CSRNP3: variants seen among roughly 807,000 people sequenced by gnomAD.
The protein encoded by CSRNP3 is cysteine and serine rich nuclear protein 3.
CSRNP3 carries 12 observed loss-of-function variants against 48.0 expected under a neutral mutation model. The ratio of observed to expected loss-of-function variants is 0.25; its 90% CI spans 0.16 to 0.41. CSRNP3 has a LOEUF of 0.41. CSRNP3 is among the 10% of genes least tolerant of loss of function. The probability of loss-of-function intolerance (pLI) is 1.00; values close to 1 mark genes in which losing one functional copy is unlikely to be tolerated. For missense variants in CSRNP3, 580 were observed against 724.4 expected (o/e 0.80, Z 2.29); for synonymous variants, 263 against 269.7 (o/e 0.98, Z 0.24).
intron 3 of CSRNP3, among the ~76,000 whole-genome samples, chr2:165,589,521 A>G (rs935736195): frequency 6.6e-6 from 1 of 152,228 alleles, no homozygotes; most frequent in African/African-American, 2.4e-5. Context: ...CCCAGTAATT[A>G]TATGAATGTT....
At chr2:165,581,598 G>A (rs565633718) in intron 3 of CSRNP3, among the ~76,000 whole-genome samples, 12 of 149,026 alleles carry the variant, frequency 8.1e-5, no homozygotes, top group African/African-American at 2.2e-4. Flanking sequence ...GTACAGTGGC[G>A]CTATCTCAGC....
rs1292298537 is a variant in CSRNP3, at chr2:165,619,526, G to A, written c.148+24313G>A. On this transcript the variant is annotated intron_variant, in intron 4 of 6. Coordinates refer to ENST00000651982, the MANE Select transcript of CSRNP3 (RefSeq NM_001172173.2). ...CATAGCTACTGGCAAAGTCAAGAAA[G>A]TGGCAGAAATCTCTAGAGAGAATAT... is the stretch of plus-strand genomic sequence containing the variant. Among the ~76,000 whole-genome samples, 10 of 152,030 alleles carry A rather than the reference G, an allele frequency of 6.6e-5. No individual in the cohort carries two copies. The East Asian group carries it at 1.7e-3, about 26-fold the overall frequency.
intron 2 of CSRNP3, among the ~76,000 whole-genome samples, chr2:165,502,561 G>A (rs180875586): frequency 1.3e-5 from 2 of 151,910 alleles, no homozygotes; most frequent in African/African-American, 4.8e-5. Context: ...TAGTTAAAAG[G>A]GTATTGTTTT....
In CSRNP3 at chr2:165,686,835, T is replaced by C. The variant is rs1329513080; in HGVS notation, c.*7082T>C. The stretch of plus-strand genomic sequence containing the variant: ...TTAATCTTTTCAAAGATACTCACAA[T>C]GGCCAACTGTGTGTGAATACTGGAA... On this transcript the variant is annotated 3_prime_UTR_variant, in exon 7 of 7. Coordinates refer to ENST00000651982, the MANE Select transcript of CSRNP3 (RefSeq NM_001172173.2). 2.6e-5 allele frequency: 4 copies of C among 152,098 alleles called. No homozygotes were observed. The highest frequency in any genetic ancestry group is 7.2e-5 in the African/African-American group (3 of 41,442). The allele number at this position is 152,098 out of a possible 1,614,324, so 9.4% of individuals were successfully genotyped here. A position where few individuals can be genotyped will look rare whatever the true frequency, so the allele number is the denominator to read the frequency against.
intron 2 of CSRNP3, among the ~76,000 whole-genome samples, chr2:165,510,228 C>A (rs1054115931): frequency 2.0e-5 from 3 of 151,966 alleles, no homozygotes; most frequent in African/African-American, 4.8e-5. Context: ...CACTCAAGGT[C>A]GATGGTGGTG....
At chr2:165,629,131 C>T (rs573525780) in intron 4 of CSRNP3, among the ~76,000 whole-genome samples, 74 of 152,180 alleles carry the variant, frequency 4.9e-4, no homozygotes, top group Non-Finnish European at 9.0e-4. Flanking sequence ...CATTTTCCAG[C>T]ATATGACTGC....
At chr2:165,569,264 A>T (rs1685337661) in intron 3 of CSRNP3, among the ~76,000 whole-genome samples, 1 of 152,132 alleles carries the variant, frequency 6.6e-6, no homozygotes, top group Admixed American at 6.6e-5. Context: ...TCAAGGGAGA[A>T]TCTAATAGTA....
chr2:165,556,868 ATAGT>A (rs774490159), intron 3 of CSRNP3, among the ~76,000 whole-genome samples: 15 of 152,186 alleles, frequency 9.9e-5, no homozygotes, highest in South Asian at 4.1e-4. Context: ...ATCTGAACTA[ATAGT>A]TAGCCTGAAC....
At chr2:165,532,190 T>G (rs1684822450) in intron 3 of CSRNP3, among the ~76,000 whole-genome samples, 1 of 152,068 alleles carries the variant, frequency 6.6e-6, no homozygotes. Flanking sequence ...AAAGAGGGAA[T>G]CCTCCCTAAC....
At chr2:165,559,643 A>G (rs1685204287) in intron 3 of CSRNP3, among the ~76,000 whole-genome samples, 1 of 152,224 alleles carries the variant, frequency 6.6e-6, no homozygotes, top group Admixed American at 6.5e-5. Flanking sequence ...ATTTGTCACC[A>G]TTTAGCTTTG....
intron 3 of CSRNP3, among the ~76,000 whole-genome samples, chr2:165,571,060 T>C (rs1050828386): frequency 6.6e-6 from 1 of 152,098 alleles, no homozygotes; most frequent in African/African-American, 2.4e-5. Flanking sequence ...TTTTGAGTTA[T>C]AATATTTTTT....
chr2:165,547,815 T>C (rs1685051801), intron 3 of CSRNP3, among the ~76,000 whole-genome samples: 1 of 152,046 alleles, frequency 6.6e-6, no homozygotes. Context: ...TAATTATAAA[T>C]AAAAAAGTAT....
Position 165,538,102 on chromosome 2 carries a change from A to C in CSRNP3, c.-24+20141A>C, listed in dbSNP as rs149364700. Reference sequence around the variant, plus strand: ...GACCCACTGCTCCAGCAGTACCTTCAGCAGTTCACTGGTGGCTACAATTCC... The same window carrying C: ...GACCCACTGCTCCAGCAGTACCTTCCGCAGTTCACTGGTGGCTACAATTCC... On this transcript the variant is annotated intron_variant, in intron 3 of 6. Transcript: ENST00000651982. 2.0e-5 allele frequency among the ~76,000 whole-genome samples: 3 copies of C among 152,084 alleles called. No individual in the cohort carries two copies. In the East Asian group the frequency reaches 5.8e-4, roughly 29 times the overall value.
intron 4 of CSRNP3, among the ~76,000 whole-genome samples, chr2:165,624,355 A>T (rs1002445677): frequency 6.6e-6 from 1 of 152,216 alleles, no homozygotes; most frequent in Non-Finnish European, 1.5e-5. Context: ...TGCCTGCTCT[A>T]TAGAATCGCC....
At chr2:165,668,080 A>T (rs965110303) in intron 5 of CSRNP3, among the ~76,000 whole-genome samples, 1 of 152,250 alleles carries the variant, frequency 6.6e-6, no homozygotes, top group Admixed American at 6.5e-5. Flanking sequence ...ACATGCTCAC[A>T]GTATGATAGG....
chr2:165,582,033 C>T (rs540835234), intron 3 of CSRNP3, among the ~76,000 whole-genome samples: 22 of 152,228 alleles, frequency 1.4e-4, no homozygotes, highest in East Asian at 7.7e-4. Context: ...TTGGGTTGAA[C>T]GGGGATTATA....
intron 3 of CSRNP3, among the ~76,000 whole-genome samples, chr2:165,557,054 T>C (rs1045632948): frequency 6.6e-6 from 1 of 152,176 alleles, no homozygotes; most frequent in Non-Finnish European, 1.5e-5. Context: ...AGTGGCAATC[T>C]TGTATAGCAA....
rs186432124 is a variant in CSRNP3 at position 165,622,628 on chromosome 2, T to C, written c.148+27415T>C. Among the ~76,000 whole-genome samples the C allele has an allele frequency of 3.3e-5, 5 of 152,328 alleles. No homozygotes were observed. The East Asian group carries it at 5.8e-4, about 18-fold the overall frequency. ...CACTGTTTCTATCTTGTGTTTGAAG[T>C]TGGCTACATCAGATCCTGACACCAT... On this transcript the variant is annotated intron_variant, in intron 4 of 6. Transcript: ENST00000651982.
chr2:165,595,287 A>G, intron 4 of CSRNP3, 74 bp downstream of exon 4: 1 of 1,352,538 alleles, frequency 7.4e-7, no homozygotes, highest in Admixed American at 1.9e-5. Context: ...TTTTATTTTT[A>G]CCTTTCATGC....
Sources: gnomAD v4.1 joint callset for allele counts (sites outside exome capture counted in the v4.1 genomes callset) on GRCh38, gnomAD v4.1.1 for gene constraint, MANE v1.5 for transcripts, NCBI Gene and HGNC (gene_info 2026-07-23, HGNC 2026-07-21) for gene names.